The following ST18 variants were observed in gnomAD, a reference collection of about 807,000 sequenced individuals.
ST18 encodes the protein ST18 C2H2C-type zinc finger transcription factor, also known as suppression of tumorigenicity 18 protein.
Under a neutral mutation model 110.0 loss-of-function variants are expected in ST18, and 50 were observed. The observed-to-expected ratio is 0.45, with a 90% CI of 0.36 to 0.58. The LOEUF (loss-of-function observed/expected upper bound fraction) is 0.58, where lower values mean the gene tolerates loss of function less well. ST18 is among the 20% of genes least tolerant of loss of function. ST18 has a pLI of 0.00. For missense variants in ST18, 1,306 were observed against 1,280.1 expected (o/e 1.02, Z -0.31); for synonymous variants, 461 against 452.4 (o/e 1.02, Z -0.24).
chr8:52,205,476 A>C (rs970495986), intron 8 of ST18, among the ~76,000 whole-genome samples: 11 of 152,196 alleles, frequency 7.2e-5, no homozygotes, highest in African/African-American at 2.7e-4. Flanking sequence ...TTTAACATCT[A>C]CTTAAAATCA....
intron 23 of ST18, among the ~76,000 whole-genome samples, 185 bp from the exon 24 acceptor site, chr8:52,118,626 A>G (rs1034895910): frequency 1.3e-5 from 2 of 152,318 alleles, no homozygotes; most frequent in Non-Finnish European, 2.9e-5. Flanking sequence ...ATTGGTAAGA[A>G]AGAAAAGAGG....
At chr8:52,377,275 T>C (rs1832772814) in intron 2 of ST18, among the ~76,000 whole-genome samples, 1 of 152,248 alleles carries the variant, frequency 6.6e-6, no homozygotes, top group African/African-American at 2.4e-5. Flanking sequence ...CAACTAGCTT[T>C]GTTCTTTTCT....
At position 52,381,683 on chromosome 8, in the gene ST18, G is replaced by A. The variant is rs367702872; in HGVS notation, c.-465+27645C>T. On this transcript the variant is annotated intron_variant, in intron 2 of 25. Coordinates refer to ENST00000689386, the MANE Select transcript of ST18 (RefSeq NM_001352837.2). ...AATAATTATCATACACTGCTGGGCA[G>A]ATTGCACCAGATCCTGGAATGTCAT... Among the ~76,000 whole-genome samples the A allele has an allele frequency of 2.0e-5, 3 of 152,112 alleles. No individual in the cohort carries two copies. The East Asian group carries it at 5.8e-4, about 29-fold the overall frequency.
At chr8:52,263,610 G>GCT (rs2094767973) in intron 2 of ST18, among the ~76,000 whole-genome samples, 1 of 128,216 alleles carries the variant, frequency 7.8e-6, no homozygotes, top group East Asian at 2.3e-4. Context: ...TTTTTGTTTT[G>GCT]TTTTTTTTTT....
intron 16 of ST18, 116 bp from the exon 17 acceptor site, chr8:52,143,161 G>A (rs1355569671): frequency 1.2e-5 from 8 of 668,964 alleles, no homozygotes; most frequent in Non-Finnish European, 2.1e-5. Context: ...ACTTGGACTT[G>A]GCTGAAATAC....
At chr8:52,184,842 C>T (rs988261729) in intron 8 of ST18, among the ~76,000 whole-genome samples, 13 of 152,138 alleles carry the variant, frequency 8.5e-5, no homozygotes, top group Non-Finnish European at 1.8e-4. Context: ...CACTTACATG[C>T]TTCAAAATTT....
At position 52,171,791 on chromosome 8, in the gene ST18, C is replaced by T. The variant is rs1406883887; in HGVS notation, c.1069+1G>A. The stretch of plus-strand genomic sequence containing the variant: ...AAAATAAATGCAAAAATGTGTCTTA[C>T]GTTTATTGTTAAAGATTTGTCTTCC... On this transcript the variant is annotated splice_donor_variant, in intron 10 of 25. Transcript: ENST00000689386. LOFTEE classifies it high-confidence loss of function. 3.7e-6 allele frequency: 6 copies of T among 1,609,800 alleles called. No homozygotes were observed. The highest frequency in any genetic ancestry group is 1.7e-5 in the Admixed American group (1 of 59,740).
At chr8:52,168,307 G>T (rs1269430693) in intron 10 of ST18, among the ~76,000 whole-genome samples, 1 of 150,584 alleles carries the variant, frequency 6.6e-6, no homozygotes, top group African/African-American at 2.4e-5. Context: ...AGATGCTGAC[G>T]TTGGAACATG....
intron 9 of ST18, among the ~76,000 whole-genome samples, chr8:52,178,081 C>T (rs2134066371): frequency 6.6e-6 from 1 of 152,202 alleles, no homozygotes; most frequent in Non-Finnish European, 1.5e-5. Context: ...GACATCTGGA[C>T]AATATATTCA....
At chr8:52,297,374 A>G (rs758328310) in intron 2 of ST18, among the ~76,000 whole-genome samples, 16 of 152,292 alleles carry the variant, frequency 1.1e-4, no homozygotes, top group Non-Finnish European at 2.2e-4. Flanking sequence ...TACTTGCTCA[A>G]TAAGCGCAGA....
chr8:52,207,007 T>C (rs907870378), intron 8 of ST18, among the ~76,000 whole-genome samples: 3 of 152,176 alleles, frequency 2.0e-5, no homozygotes, highest in African/African-American at 7.2e-5. Context: ...AATCTTTATG[T>C]AATAAGTTCC....
At chr8:52,281,764 A>T (rs1187705792) in intron 2 of ST18, among the ~76,000 whole-genome samples, 2 of 152,328 alleles carry the variant, frequency 1.3e-5, no homozygotes, top group East Asian at 3.9e-4. Flanking sequence ...GGATTTGGAG[A>T]CCTTTATTCT....
chr8:52,291,067 G>A (rs1042672525), intron 2 of ST18, among the ~76,000 whole-genome samples: 3 of 152,184 alleles, frequency 2.0e-5, no homozygotes, highest in African/African-American at 7.2e-5. Flanking sequence ...GCCCCATTGA[G>A]TTCAGCATAG....
chr8:52,334,547 T>C (rs1811163196), intron 2 of ST18, among the ~76,000 whole-genome samples: 1 of 152,200 alleles, frequency 6.6e-6, no homozygotes, highest in African/African-American at 2.4e-5. Context: ...AGTTTTCTTT[T>C]TGTGGTATAC....
At chr8:52,121,883 G>C (rs980324872) in intron 23 of ST18, among the ~76,000 whole-genome samples, 2 of 152,174 alleles carry the variant, frequency 1.3e-5, no homozygotes, top group East Asian at 3.9e-4. Flanking sequence ...GTCTCACTCT[G>C]TCACCAGGCT....
intron 2 of ST18, among the ~76,000 whole-genome samples, chr8:52,389,786 G>A (rs1838621567): frequency 6.6e-6 from 1 of 152,198 alleles, no homozygotes; most frequent in Non-Finnish European, 1.5e-5. Context: ...GCTCTCTGAA[G>A]AGCCAGCCGG....
chr8:52,272,451 C>A (rs1287756344), intron 2 of ST18, among the ~76,000 whole-genome samples: 3 of 152,086 alleles, frequency 2.0e-5, no homozygotes, highest in Non-Finnish European at 4.4e-5. Context: ...TAGGTATAGA[C>A]ATAGATATAG....
intron 2 of ST18, among the ~76,000 whole-genome samples, chr8:52,368,120 A>C (rs1828868308): frequency 6.6e-6 from 1 of 152,138 alleles, no homozygotes; most frequent in Non-Finnish European, 1.5e-5. Flanking sequence ...TCTTGGGGGA[A>C]AAATTCTAAC....
At chr8:52,338,056 T>G (rs1308968910) in intron 2 of ST18, among the ~76,000 whole-genome samples, 3 of 152,154 alleles carry the variant, frequency 2.0e-5, no homozygotes, top group Non-Finnish European at 4.4e-5. Context: ...TTTTATTCAT[T>G]TATTTATTTA....
Sources: gnomAD v4.1 joint callset for allele counts (sites outside exome capture counted in the v4.1 genomes callset) on GRCh38, gnomAD v4.1.1 for gene constraint, MANE v1.5 for transcripts, NCBI Gene and HGNC (gene_info 2026-07-23, HGNC 2026-07-21) for gene names.